KAZN: variants seen among roughly 807,000 people sequenced by gnomAD.
The protein encoded by KAZN is kazrin, periplakin interacting protein.
Under a neutral mutation model 87.4 loss-of-function variants are expected in KAZN, and 40 were observed. The ratio of observed to expected loss-of-function variants is 0.46; its 90% CI spans 0.36 to 0.60. KAZN has a LOEUF of 0.60. Among genes scored for constraint, KAZN ranks in the 20% least tolerant of loss-of-function variants. KAZN has a pLI of 0.00. For missense variants in KAZN, 898 were observed against 1,073.9 expected, an observed-to-expected ratio of 0.84 and a Z score of 2.29; for synonymous variants, 466 against 458.3, an observed-to-expected ratio of 1.02 and a Z score of -0.22.
At chr1:14,276,100 C>T (rs1363346885) in intron 2 of KAZN, among the ~76,000 whole-genome samples, 1 of 151,968 alleles carries the variant, frequency 6.6e-6, no homozygotes, top group Non-Finnish European at 1.5e-5. Context: ...TTGCTGCTAA[C>T]GAGCTCCCTG....
At chr1:13,912,848 G>A (rs886941029) in intron 1 of KAZN, among the ~76,000 whole-genome samples, 1 of 152,126 alleles carries the variant, frequency 6.6e-6, no homozygotes, top group Non-Finnish European at 1.5e-5. Flanking sequence ...TACCTACCTT[G>A]GCCTCCCAAA....
intron 2 of KAZN, among the ~76,000 whole-genome samples, chr1:14,252,774 C>A (rs1282709324): frequency 1.3e-5 from 2 of 152,172 alleles, no homozygotes; most frequent in Non-Finnish European, 2.9e-5. Context: ...TAAATCCCCA[C>A]GTCTCAAGGG....
chr1:14,295,596 C>T (rs1654050761), intron 2 of KAZN, among the ~76,000 whole-genome samples: 1 of 152,130 alleles, frequency 6.6e-6, no homozygotes, highest in Non-Finnish European at 1.5e-5. Flanking sequence ...CACACAAACC[C>T]ATGTGCACCA....
At chr1:15,102,020 T>G (rs1382223935) in intron 11 of KAZN, among the ~76,000 whole-genome samples, 1 of 152,124 alleles carries the variant, frequency 6.6e-6, no homozygotes, top group East Asian at 1.9e-4. Flanking sequence ...AACCCCCTAT[T>G]GGGCACGGGC....
At chr1:14,017,560 G>A (rs6691889) in intron 1 of KAZN, among the ~76,000 whole-genome samples, 69,768 of 152,040 alleles carry the variant, frequency 0.46, 17,357 homozygotes, top group Admixed American at 0.6. Context: ...CACGTAAGAG[G>A]TGAACTCAGA....
At chr1:13,928,131 T>C (rs933279719) in intron 1 of KAZN, among the ~76,000 whole-genome samples, 1 of 152,242 alleles carries the variant, frequency 6.6e-6, no homozygotes, top group Non-Finnish European at 1.5e-5. Flanking sequence ...ATTTCATTGC[T>C]CAGGTTTTGC....
rs536345798 is a variant in KAZN at position 15,065,830 on chromosome 1, G to A, written c.1222+77G>A. 1.1e-4 allele frequency: 173 copies of A among 1,583,468 alleles called. 2 individuals carry two copies. In the South Asian group the frequency reaches 1.7e-3, roughly 15 times the overall value. On this transcript the variant is annotated intron_variant, in intron 8 of 14. Transcript: ENST00000376030. ...TCCCCTGCGCCTGCTGCCCGCAGGC[G>A]TGTCTGTGCGTGTGGGCGTGTGTGC...
At chr1:14,250,149 C>G (rs937853151) in intron 2 of KAZN, among the ~76,000 whole-genome samples, 2 of 152,114 alleles carry the variant, frequency 1.3e-5, no homozygotes, top group African/African-American at 4.8e-5. Flanking sequence ...TTCCTTTATA[C>G]ACATGTTTAT....
In KAZN at chr1:13,978,033, C is replaced by G. The variant is rs145981462; in HGVS notation, c.91+84277C>G. Among the ~76,000 whole-genome samples the G allele has an allele frequency of 3.6e-3, 520 of 144,530 alleles. 3 individuals carry two copies. Among genetic ancestry groups the G allele is most frequent in the African/African-American group, 0.013 (502 of 38,720 alleles). 94.8% of individuals were successfully genotyped at this position (144,530 alleles called of 152,430 possible). ...GTCCCAGGTGCTGGGGAGGCTGAGA[C>G]AGCAGAATGGCGTGAACCTGGGAGG... On this transcript the variant is annotated intron_variant, in intron 1 of 16. Coordinates refer to the KAZN transcript ENST00000636203.
At chr1:14,853,815 C>T (rs1012447667) in intron 1 of KAZN, among the ~76,000 whole-genome samples, 1 of 152,158 alleles carries the variant, frequency 6.6e-6, no homozygotes, top group African/African-American at 2.4e-5. Flanking sequence ...AGAAGTTCTC[C>T]ATCTATTTCA....
intron 2 of KAZN, among the ~76,000 whole-genome samples, chr1:14,318,863 T>C (rs1251041015): frequency 1.3e-5 from 2 of 152,090 alleles, no homozygotes; most frequent in East Asian, 3.9e-4. Context: ...AGAGACTTCA[T>C]TGGTTCTTTA....
chr1:14,504,374 G>A (rs1460915917), intron 2 of KAZN, among the ~76,000 whole-genome samples: 1 of 152,168 alleles, frequency 6.6e-6, no homozygotes, highest in Non-Finnish European at 1.5e-5. Context: ...AAAGATACGG[G>A]AATTCATGGA....
At chr1:13,945,698 TGTGTGTGTGTGTGAGA>T (rs1006661268) in intron 1 of KAZN, among the ~76,000 whole-genome samples, 5 of 140,364 alleles carry the variant, frequency 3.6e-5, no homozygotes, top group Non-Finnish European at 6.1e-5. Context: ...TGTGTGTGTG[TGTGTGTGTGTGTGAGA>T]GAGAGAGAGA....
intron 1 of KAZN, among the ~76,000 whole-genome samples, chr1:14,937,794 G>A (rs1315430747): frequency 6.6e-6 from 1 of 152,224 alleles, no homozygotes; most frequent in African/African-American, 2.4e-5. Context: ...TGATCTTCCA[G>A]CCTGTGCCTG....
At chr1:14,394,011 C>G (rs756097925) in intron 2 of KAZN, among the ~76,000 whole-genome samples, 2 of 152,068 alleles carry the variant, frequency 1.3e-5, no homozygotes, top group Non-Finnish European at 2.9e-5. Flanking sequence ...AGGCAGGCAG[C>G]CTTGATTGGC....
intron 1 of KAZN, among the ~76,000 whole-genome samples, chr1:13,938,442 CTAAGTG>C (rs1289759250): frequency 6.6e-6 from 1 of 152,132 alleles, no homozygotes; most frequent in African/African-American, 2.4e-5. Flanking sequence ...TTAGGGTTTT[CTAAGTG>C]TAAGATTATA....
chr1:14,831,784 C>A (rs888090855), intron 1 of KAZN, among the ~76,000 whole-genome samples: 1 of 152,080 alleles, frequency 6.6e-6, no homozygotes, highest in Non-Finnish European at 1.5e-5. Context: ...CCCTGCTTGT[C>A]CTTCATTGCC....
intron 10 of KAZN, among the ~76,000 whole-genome samples, chr1:15,100,926 G>A (rs1251819009): frequency 6.6e-6 from 1 of 152,152 alleles, no homozygotes; most frequent in Admixed American, 6.5e-5. Context: ...CGCCGATCAG[G>A]TGGGCCAAGC....
intron 2 of KAZN, among the ~76,000 whole-genome samples, chr1:14,536,967 G>GTACA: frequency 6.6e-6 from 1 of 152,106 alleles, no homozygotes; most frequent in East Asian, 1.9e-4. Context: ...GCATCTCCTG[G>GTACA]TACAATAGAT....
Sources: allele counts gnomAD v4.1 joint callset (sites outside exome capture counted in the v4.1 genomes callset), GRCh38; gene constraint gnomAD v4.1.1; transcripts MANE v1.5; gene names NCBI Gene and HGNC (gene_info 2026-07-23, HGNC 2026-07-21).